LPXN: variants seen among roughly 807,000 people sequenced by gnomAD.
The protein encoded by LPXN is leupaxin.
LPXN carries 28 observed loss-of-function variants against 45.6 expected under a neutral mutation model. The observed-to-expected ratio is 0.61, with a 90% confidence interval of 0.45 to 0.84. The LOEUF (loss-of-function observed/expected upper bound fraction) is 0.84. LPXN is among the 40% of genes least tolerant of loss of function. LPXN has a pLI of 0.00. For synonymous variants in LPXN, 166 were observed against 169.9 expected (o/e 0.98, Z 0.18); for missense variants, 459 against 475.0 (o/e 0.97, Z 0.31).
chr11:58,570,505 G>C, intron 2 of LPXN, 51 bp downstream of exon 2: 1 of 1,387,552 alleles, frequency 7.2e-7, no homozygotes. Context: ...TTAATTTTCA[G>C]AAATGCACTC....
chr11:58,561,134 TTC>T (rs140759936), intron 3 of LPXN, among the ~76,000 whole-genome samples: 37 of 149,960 alleles, frequency 2.5e-4, no homozygotes, highest in Admixed American at 4.0e-4. Context: ...CTCAAGCCTT[TTC>T]TCTCTCTCTC....
chr11:58,561,486 T>C (rs1854374863), intron 3 of LPXN, among the ~76,000 whole-genome samples: 1 of 152,180 alleles, frequency 6.6e-6, no homozygotes, highest in Non-Finnish European at 1.5e-5. Flanking sequence ...ACCAGTCAAG[T>C]ATGCAAGTAA....
At chr11:58,541,753 T>C (rs36143859) in intron 7 of LPXN, among the ~76,000 whole-genome samples, 64,884 of 149,944 alleles carry the variant, frequency 0.43, 14,301 homozygotes, top group Middle Eastern at 0.54. Flanking sequence ...ATGTTTATTC[T>C]GGCATTATTC....
intron 2 of LPXN, 89 bp downstream of exon 2, chr11:58,570,467 C>A: frequency 1.0e-6 from 1 of 991,444 alleles, no homozygotes; most frequent in Non-Finnish European, 1.5e-6. Flanking sequence ...TATTATTCTC[C>A]TTTCATATTA....
At chr11:58,562,436 A>G (rs557495969) in intron 3 of LPXN, among the ~76,000 whole-genome samples, 2 of 152,320 alleles carry the variant, frequency 1.3e-5, no homozygotes, top group Admixed American at 6.5e-5. Context: ...TATCTATTAC[A>G]TATTTACTAG....
In LPXN at chr11:58,530,624, G is replaced by A. The variant is rs189848084; in HGVS notation, c.743-2433C>T. ...AGGGGAAGGGGTGGCTGTGGGCACA[G>A]CTTCAGTAGACTTAAACATCCCTGC... On this transcript the variant is annotated intron_variant, in intron 7 of 8. Coordinates refer to ENST00000395074, the MANE Select transcript of LPXN (RefSeq NM_004811.3). Among the ~76,000 whole-genome samples the A allele has an allele frequency of 4.5e-3, 681 of 152,338 alleles. 6 individuals carry two copies. The highest frequency in any genetic ancestry group is 0.015 in the African/African-American group (633 of 41,568).
intron 5 of LPXN, among the ~76,000 whole-genome samples, chr11:58,550,362 T>A (rs986009440): frequency 2.0e-5 from 3 of 152,236 alleles, no homozygotes; most frequent in African/African-American, 7.2e-5. Context: ...CTTCCGGGAC[T>A]GATCACTGTG....
rs777392551 is a variant in LPXN, at chr11:58,527,594, T to C, written c.1021A>G (p.Ile341Val). Residue 341 changes from isoleucine (I) to valine (V), a missense_variant, in exon 9 of 9, where the codon ATC (isoleucine) becomes GTC (valine). Transcript: ENST00000395074. ...GCGQPITGRC[I>V]SAMGYKFHPE... ...TGGAACTTGTACCCCATGGCACTGA[T>C]ACAACGGCCAGTGATGGGCTGCCCA... 6 of 1,614,078 alleles carry C rather than the reference T, an allele frequency of 3.7e-6. No homozygotes were observed. In the East Asian group the frequency reaches 8.9e-5, roughly 24 times the overall value.
chr11:58,575,644 G>A (rs1590596612), intron 1 of LPXN, 116 bp downstream of exon 1: 1 of 1,190,402 alleles, frequency 8.4e-7, no homozygotes, highest in Non-Finnish European at 1.3e-6. Flanking sequence ...GGAAAGAAGT[G>A]AAAATAAAAT....
rs564514498 is a variant in LPXN at position 58,530,841 on chromosome 11, G to A, written c.743-2650C>T. 7.6e-4 allele frequency among the ~76,000 whole-genome samples: 116 copies of A among 152,328 alleles called. 1 individual carries two copies. Among genetic ancestry groups the A allele is most frequent in the East Asian group, 1.9e-4 (1 of 5,178 alleles). On this transcript the variant is annotated intron_variant, in intron 7 of 8. Transcript: ENST00000395074. ...CTGGTGGGTGCCCTGCTGGGATGAA[G>A]CTTCCAAAGGAAGGAACAGGCAGCA...
upstream of LPXN, chr11:58,578,222 C>T (rs549847205): frequency 4.1e-5 from 31 of 757,746 alleles, no homozygotes; most frequent in African/African-American, 2.2e-4. Flanking sequence ...CCCGGATGTA[C>T]GGCACGCGTC....
intron 2 of LPXN, among the ~76,000 whole-genome samples, chr11:58,566,814 T>C (rs1360248828): frequency 2.0e-5 from 3 of 152,184 alleles, no homozygotes; most frequent in Admixed American, 1.3e-4. Flanking sequence ...TTGAACATAA[T>C]GCAATCTAAA....
intron 3 of LPXN, among the ~76,000 whole-genome samples, 177 bp from the exon 4 acceptor site, chr11:58,555,117 A>C (rs1247108825): frequency 6.6e-6 from 1 of 152,198 alleles, no homozygotes; most frequent in Non-Finnish European, 1.5e-5. Flanking sequence ...AATCTAAACA[A>C]GTTCTCTCTG....
Position 58,542,863 on chromosome 11 carries a change from T to C in LPXN, c.742+6923A>G, listed in dbSNP as rs557547470. On this transcript the variant is annotated intron_variant, in intron 7 of 8. Coordinates refer to ENST00000395074, the MANE Select transcript of LPXN (RefSeq NM_004811.3). ...CATTGGTAGGAAAAGTTTTCTGTAT[T>C]GCTTTAGGTTAATAGGGTAATAAGT... 5.9e-5 allele frequency among the ~76,000 whole-genome samples: 9 copies of C among 152,338 alleles called. No homozygotes were observed. The South Asian group carries it at 1.9e-3, about 32-fold the overall frequency.
At chr11:58,577,354 T>C (rs1271065078), upstream of LPXN, among the ~76,000 whole-genome samples, 4 of 152,220 alleles carry the variant, frequency 2.6e-5, no homozygotes, top group African/African-American at 9.6e-5. Flanking sequence ...ATTTGTCTAA[T>C]ATGAAGTGGT....
chr11:58,571,586 A>G (rs1253881855), intron 1 of LPXN, among the ~76,000 whole-genome samples: 1 of 151,702 alleles, frequency 6.6e-6, no homozygotes, highest in Admixed American at 6.6e-5. Flanking sequence ...GGTTGGGGAT[A>G]AAACTGAGAT....
At chr11:58,557,354 A>G (rs574352088) in intron 3 of LPXN, among the ~76,000 whole-genome samples, 28 of 152,324 alleles carry the variant, frequency 1.8e-4, no homozygotes, top group Admixed American at 4.6e-4. Context: ...AAATATGCAC[A>G]CATACACAAC....
intron 7 of LPXN, among the ~76,000 whole-genome samples, chr11:58,538,052 T>G (rs1348167657): frequency 6.6e-6 from 1 of 151,536 alleles, no homozygotes; most frequent in African/African-American, 2.4e-5. Flanking sequence ...GATAGTTTAC[T>G]GAGAATGATG....
Position 58,571,562 on chromosome 11 carries a change from T to G in LPXN, c.14-849A>C, listed in dbSNP as rs561380649. ...TATAAGTATCCTGTCTTTTAGGGTG[T>G]GGAGAGAAAAAATGGTTGGGGATAA... On this transcript the variant is annotated intron_variant, in intron 1 of 8. Transcript: ENST00000395074. Among the ~76,000 whole-genome samples, 463 of 151,626 alleles carry G rather than the reference T, an allele frequency of 3.1e-3. 2 individuals carry two copies. The highest frequency in any genetic ancestry group is 0.011 in the African/African-American group (446 of 41,426).
Sources: gnomAD v4.1 joint callset for allele counts (sites outside exome capture counted in the v4.1 genomes callset) on GRCh38, gnomAD v4.1.1 for gene constraint, MANE v1.5 for transcripts, NCBI Gene and HGNC (gene_info 2026-07-23, HGNC 2026-07-21) for gene names.